The following HOOK2 variants were observed in gnomAD, a reference collection of about 807,000 sequenced individuals.
HOOK2 encodes the protein protein Hook homolog 2.
Under a neutral mutation model 111.9 loss-of-function variants are expected in HOOK2, and 108 were observed. The observed-to-expected ratio is 0.96, with a 90% CI of 0.83 to 1.13. The LOEUF is 1.13. Among genes scored for constraint, HOOK2 ranks in the 50% most tolerant of loss-of-function variants. The pLI is 0.00. For synonymous variants in HOOK2, 405 were observed against 394.3 expected, an observed-to-expected ratio of 1.03 and a Z score of -0.32; for missense variants, 978 against 951.3, an observed-to-expected ratio of 1.03 and a Z score of -0.37.
Position 12,769,955 on chromosome 19 carries a change from GCTCGGCGTGGCCGGCGTTGCGTTC to G in HOOK2, c.1006_1029del (p.Glu336_Glu343del). On this transcript the variant is annotated inframe_deletion, in exon 11 of 23. Coordinates refer to ENST00000397668, the MANE Select transcript of HOOK2 (RefSeq NM_013312.3). Reference sequence around the variant, plus strand: ...AGCTCATCCTCCAGTTGTCGCGTGCGCTCGGCGTGGCCGGCGTTGCGTTCCTCCAGCTGCCGCACCTGCCGCCGC... The same window carrying G: ...AGCTCATCCTCCAGTTGTCGCGTGCGCTCCAGCTGCCGCACCTGCCGCCGC... The G allele has an allele frequency of 6.4e-7, 1 of 1,555,294 alleles. No homozygotes were observed. The highest frequency in any genetic ancestry group is 8.6e-7 in the Non-Finnish European group (1 of 1,157,490).
chr19:12,767,331 C>T (rs951029656), intron 14 of HOOK2, 64 bp downstream of exon 14: 4 of 1,360,746 alleles, frequency 2.9e-6, no homozygotes, highest in Non-Finnish European at 3.1e-6. Flanking sequence ...AGGGCGGGAG[C>T]GGGGCTGAGG....
upstream of HOOK2, among the ~76,000 whole-genome samples, chr19:12,780,645 G>C (rs1345342665): frequency 8.3e-6 from 1 of 120,778 alleles, no homozygotes; most frequent in Admixed American, 8.9e-5. Flanking sequence ...GTGAACCACC[G>C]CGCCCGGCCT....
rs1296492686 is a variant in HOOK2 at position 12,772,793 on chromosome 19, G to A, written c.375C>T (p.Cys125=). 8.1e-6 allele frequency: 13 copies of A among 1,613,990 alleles called. No homozygotes were observed. The highest frequency in any genetic ancestry group is 4.4e-5 in the South Asian group (4 of 91,092). The change falls in exon 5 of 23, where the codon TGC becomes TGT. Residue 125 remains cysteine, a synonymous_variant. Transcript: ENST00000397668. ...LQLVLGCAIS[C]EKKQDHIQRI... is the part of the protein sequence containing the mutation. ...AGCTCCCCATACCCTGCTTTTTCTC[G>A]CAACTGATGGCACAGCCCAGCACCA...
intron 20 of HOOK2, 37 bp from the exon 21 acceptor site, chr19:12,763,815 C>A (rs768387516): frequency 2.7e-6 from 4 of 1,471,654 alleles, no homozygotes; most frequent in Admixed American, 1.7e-5. Flanking sequence ...GTGACTTTGG[C>A]CTTGAAACCC....
chr19:12,765,836 T>A lies in HOOK2; in HGVS notation c.1600-2A>T, dbSNP rs773132784. ...TGGGCCCATGGTACTTACAATGGCCTGTATGGGGCATCGGGCAGCATGGGA... is the reference window on the plus strand; with the variant it reads ...TGGGCCCATGGTACTTACAATGGCCAGTATGGGGCATCGGGCAGCATGGGA... On this transcript the variant is annotated splice_acceptor_variant, in intron 16 of 22. Transcript: ENST00000397668. LOFTEE classifies it high-confidence loss of function. 2.5e-6 allele frequency: 4 copies of A among 1,611,102 alleles called. No individual in the cohort carries two copies. Among genetic ancestry groups the A allele is most frequent in the Admixed American group, 3.3e-5 (2 of 59,970 alleles).
At chr19:12,765,657 C>A in intron 18 of HOOK2, 33 bp downstream of exon 18, 1 of 1,613,622 alleles carries the variant, frequency 6.2e-7, no homozygotes, top group South Asian at 1.1e-5. Flanking sequence ...AAATCCATGC[C>A]CCCACGAGGA....
intron 14 of HOOK2, 128 bp from the exon 15 acceptor site, chr19:12,766,368 G>A: frequency 8.4e-7 from 1 of 1,188,912 alleles, no homozygotes; most frequent in Non-Finnish European, 1.1e-6. Flanking sequence ...CATGGGGTTG[G>A]AGCACCGAGG....
upstream of HOOK2, among the ~76,000 whole-genome samples, chr19:12,783,312 C>T (rs909616706): frequency 3.3e-5 from 5 of 150,950 alleles, no homozygotes; most frequent in Non-Finnish European, 7.4e-5. Flanking sequence ...AGGCGCCCCC[C>T]CCAACTCCGC....
At chr19:12,783,437 G>A (rs893877722), upstream of HOOK2, among the ~76,000 whole-genome samples, 3 of 149,060 alleles carry the variant, frequency 2.0e-5, no homozygotes, top group Non-Finnish European at 4.5e-5. Context: ...GCGATGAAAC[G>A]GTTAAAGCCG....
In HOOK2 at chr19:12,767,460, G is replaced by A. The variant is rs1968188771; in HGVS notation, c.1308C>T (p.Pro436=). 6 of 1,613,700 alleles carry A rather than the reference G, an allele frequency of 3.7e-6. No individual in the cohort carries two copies. Among genetic ancestry groups the A allele is most frequent in the Non-Finnish European group, 5.1e-6 (6 of 1,179,734 alleles). ...CGGGTGTGGAGGTGGGATCCAGTGA[G>A]GGATCTGAAGAATGCGAGAAAAGTC... is the stretch of plus-strand genomic sequence containing the variant. The part of the protein sequence containing the change: ...LQPRGLTQAD[P]SLDPTSTPVD... The change falls in exon 14 of 23, where the codon CCC becomes CCT. Residue 436 remains proline (P), a synonymous_variant. Coordinates refer to ENST00000397668, the MANE Select transcript of HOOK2 (RefSeq NM_013312.3).
chr19:12,792,153 G>A, intron 3 of HOOK2: 1 of 1,595,846 alleles, frequency 6.3e-7, no homozygotes, highest in Non-Finnish European at 8.5e-7. Context: ...AGGGGGCGGC[G>A]TCACCGAGGA....
chr19:12,781,961 C>G (rs920902173), upstream of HOOK2, among the ~76,000 whole-genome samples: 9 of 151,980 alleles, frequency 5.9e-5, no homozygotes, highest in Non-Finnish European at 1.5e-5. Context: ...CGCCTCAACC[C>G]CCACATACCT....
rs1212422330 is a variant in HOOK2 at position 12,772,896 on chromosome 19, A to C, written c.272T>G (p.Val91Gly). ...EYSQDVLAHP[V>G]SEEHLPDVSL... ...CACATCTGGGAGATGCTCTTCTGACACAGGATGCGCCAGGACCTGGGGAGA... is the reference window on the plus strand; with the variant it reads ...CACATCTGGGAGATGCTCTTCTGACCCAGGATGCGCCAGGACCTGGGGAGA... The change falls in exon 5 of 23, where the codon GTG becomes GGG. Residue 91 changes from valine to glycine, a missense_variant. Physicochemically the swap from Val to Gly is moderately radical, Grantham distance 109 (BLOSUM62 -3). Coordinates refer to ENST00000397668, the MANE Select transcript of HOOK2 (RefSeq NM_013312.3). 1 of 1,614,226 alleles carries C rather than the reference A, an allele frequency of 6.2e-7. No individual in the cohort carries two copies.
rs1968700162 is a variant in HOOK2, at chr19:12,790,398, GC to G, written n.42-16174del. 1.3e-5 allele frequency among the ~76,000 whole-genome samples: 2 copies of G among 152,034 alleles called. No individual in the cohort carries two copies. The highest frequency in any genetic ancestry group is 4.2e-4 in the South Asian group (2 of 4,814). On this transcript the variant is annotated intron_variant and non_coding_transcript_variant, in intron 3 of 3. Coordinates refer to the HOOK2 transcript ENST00000589765. This position sits in a 1 kb window ranked among gnomAD's most constrained non-coding sequence, Gnocchi z 7.2. ...GAAGGGAGTGGGGTTGGGCGACCGC[GC>G]CCCAGCCGTCGGGCTGGGTCCAGGC...
intron 11 of HOOK2, among the ~76,000 whole-genome samples, chr19:12,768,960 C>G (rs1379658358): frequency 6.9e-6 from 1 of 144,132 alleles, no homozygotes; most frequent in African/African-American, 2.6e-5. Flanking sequence ...ACCAGCCCGG[C>G]TAATTTTTTT....
chr19:12,769,960 G>T lies in HOOK2; in HGVS notation c.1025C>A (p.Ala342Asp). Residue 342 changes from alanine to aspartate, a missense_variant, in exon 11 of 23, where the codon GCC (alanine) becomes GAC (aspartate). Coordinates refer to ENST00000397668, the MANE Select transcript of HOOK2 (RefSeq NM_013312.3). ...RQLEERNAGHAERTRQLEDEL... is the reference protein window; with the variant it reads ...RQLEERNAGHDERTRQLEDEL... ...ATCCTCCAGTTGTCGCGTGCGCTCG[G>T]CGTGGCCGGCGTTGCGTTCCTCCAG... 6.4e-7 allele frequency: 1 copy of T among 1,553,386 alleles called. No homozygotes were observed.
chr19:12,765,295 C>G, intron 18 of HOOK2: 1 of 607,348 alleles, frequency 1.6e-6, no homozygotes, highest in Non-Finnish European at 2.9e-6. Flanking sequence ...GCAGGTATGC[C>G]CCGGAACAGC....
At position 12,774,667 on chromosome 19, in the gene HOOK2, A is replaced by G; in HGVS notation, c.204+2T>C. 6.2e-7 allele frequency: 1 copy of G among 1,613,876 alleles called. No homozygotes were observed. The highest frequency in any genetic ancestry group is 8.5e-7 in the Non-Finnish European group (1 of 1,179,926). ...TCCTCTAATCAGGAGTCCACTTGTCACCTTCAGCTTCCAGTTGGGACCTGG... is the reference window on the plus strand; with the variant it reads ...TCCTCTAATCAGGAGTCCACTTGTCGCCTTCAGCTTCCAGTTGGGACCTGG... On this transcript the variant is annotated splice_donor_variant, in intron 3 of 22. Transcript: ENST00000397668. LOFTEE classifies it high-confidence loss of function.
In HOOK2 at chr19:12,790,118, C is replaced by T. The variant is rs963845482; in HGVS notation, n.42-15893G>A. Among the ~76,000 whole-genome samples the T allele has an allele frequency of 6.6e-6, 1 of 152,200 alleles. No individual in the cohort carries two copies. The highest frequency in any genetic ancestry group is 6.5e-5 in the Admixed American group (1 of 15,280). On this transcript the variant is annotated intron_variant and non_coding_transcript_variant, in intron 3 of 3. Transcript: ENST00000589765. This position sits in a 1 kb window ranked among gnomAD's most constrained non-coding sequence, Gnocchi z 7.2. The stretch of plus-strand genomic sequence containing the variant: ...CTGCCTCCGCGGTCCCCTGCAGGCA[C>T]CGCGGGCGGAACCATTGCTTGAGGG...
Sources: allele counts gnomAD v4.1 joint callset (sites outside exome capture counted in the v4.1 genomes callset), GRCh38; gene constraint gnomAD v4.1.1; non-coding constraint Gnocchi (gnomAD v3.1); transcripts MANE v1.5; gene names NCBI Gene and HGNC (gene_info 2026-07-23, HGNC 2026-07-21).